ZFHX3: variants seen among roughly 807,000 people sequenced by gnomAD.
ZFHX3 encodes zinc finger homeobox protein 3.
Under a neutral mutation model 279.1 loss-of-function variants are expected in ZFHX3, and 42 were observed. The ratio of observed to expected loss-of-function variants is 0.15; its 90% CI spans 0.12 to 0.19. The LOEUF is 0.19. Ranked by LOEUF, ZFHX3 falls within the 10% of genes least tolerant of loss-of-function variation. ZFHX3 has a pLI of 1.00. For synonymous variants in ZFHX3, 2,293 were observed against 1,957.8 expected, an observed-to-expected ratio of 1.17 and a Z score of -4.52; for missense variants, 4,981 against 4,754.0, an observed-to-expected ratio of 1.05 and a Z score of -1.40.
intron 1 of ZFHX3, among the ~76,000 whole-genome samples, chr16:73,877,206 G>GGT (rs1461676713): frequency 1.4e-5 from 2 of 141,700 alleles, no homozygotes; most frequent in African/African-American, 2.6e-5. Flanking sequence ...TTAGGTCGGG[G>GGT]GGGGGTCCCA....
intron 2 of ZFHX3, among the ~76,000 whole-genome samples, chr16:73,617,108 GCA>G (rs2052312509): frequency 6.6e-6 from 1 of 152,186 alleles, no homozygotes; most frequent in Non-Finnish European, 1.5e-5. Context: ...AACAGCAAAT[GCA>G]CAGAGTTCTT....
intron 4 of ZFHX3, among the ~76,000 whole-genome samples, chr16:73,287,158 G>A (rs529387639): frequency 3.3e-4 from 48 of 147,090 alleles, no homozygotes; most frequent in Admixed American, 9.5e-4. Flanking sequence ...CTGTGTGAGT[G>A]TGTGGGTTGC....
intron 8 of ZFHX3, among the ~76,000 whole-genome samples, chr16:72,799,356 A>G (rs529616754): frequency 1.3e-5 from 2 of 152,334 alleles, no homozygotes; most frequent in South Asian, 4.1e-4. Flanking sequence ...CATCACACTC[A>G]TAAATACCGA....
chr16:72,786,811 G>C lies in ZFHX3; in HGVS notation c.*353C>G, dbSNP rs1388722503. The C allele has an allele frequency of 6.4e-6, 1 of 155,624 alleles. No homozygotes were observed. Among genetic ancestry groups the C allele is most frequent in the African/African-American group, 2.4e-5 (1 of 41,494 alleles). 9.6% of individuals were successfully genotyped at this position (155,624 alleles called of 1,614,324 possible). A position where few individuals can be genotyped will look rare whatever the true frequency, so the allele number is the denominator to read the frequency against. ...CTCCTCTGTGCTATCAGCGTGGGGCGTTTATTGAAAAGGGGCAAATATACA... is the reference window on the plus strand; with the variant it reads ...CTCCTCTGTGCTATCAGCGTGGGGCCTTTATTGAAAAGGGGCAAATATACA... On this transcript the variant is annotated 3_prime_UTR_variant, in exon 10 of 10. Coordinates refer to ENST00000268489, the MANE Select transcript of ZFHX3 (RefSeq NM_006885.4).
At chr16:73,477,112 T>G (rs1177441000) in intron 2 of ZFHX3, among the ~76,000 whole-genome samples, 1 of 152,300 alleles carries the variant, frequency 6.6e-6, no homozygotes, top group South Asian at 2.1e-4. Flanking sequence ...TTGATAACAA[T>G]GAAAAATCAT....
At chr16:73,105,239 C>T (rs1966280254) in intron 7 of ZFHX3, among the ~76,000 whole-genome samples, 1 of 148,934 alleles carries the variant, frequency 6.7e-6, no homozygotes. Flanking sequence ...GACACTGTCT[C>T]TAATTTTATA....
At chr16:73,560,451 C>T (rs705892) in intron 2 of ZFHX3, among the ~76,000 whole-genome samples, 3,322 of 152,240 alleles carry the variant, frequency 0.022, 63 homozygotes, top group South Asian at 0.067. Context: ...AAGATTCACA[C>T]GGATTTGATG....
At chr16:73,467,341 A>G (rs1013787299) in intron 2 of ZFHX3, among the ~76,000 whole-genome samples, 3 of 152,216 alleles carry the variant, frequency 2.0e-5, no homozygotes, top group African/African-American at 7.2e-5. Flanking sequence ...GTTGGAATAG[A>G]CAAGAGAAGC....
rs760728627 is a variant in ZFHX3, at chr16:72,795,163, G to C, written c.7519C>G (p.Leu2507Val). 6.2e-7 allele frequency: 1 copy of C among 1,611,930 alleles called. No homozygotes were observed. Among genetic ancestry groups the C allele is most frequent in the Non-Finnish European group, 8.5e-7 (1 of 1,178,694 alleles). Residue 2507 changes from leucine to valine, a missense_variant, in exon 9 of 10, where the codon CTG becomes GTG. This residue lies in a region of ZFHX3 where 744 missense variants were observed against 701.3 expected (regional missense o/e 1.06). Coordinates refer to ENST00000268489, the MANE Select transcript of ZFHX3 (RefSeq NM_006885.4). The part of the protein sequence containing the change: ...SSPSPSQLSH[L>V]PLKPLHTSTP... The stretch of plus-strand genomic sequence containing the variant: ...GATGTGTGGAGGGGCTTGAGGGGCA[G>C]GTGGGAGAGCTGGGAAGGACTGGGG...
chr16:72,805,569 C>A (rs140049866), intron 7 of ZFHX3, among the ~76,000 whole-genome samples: 15 of 152,328 alleles, frequency 9.8e-5, no homozygotes, highest in African/African-American at 3.4e-4. Flanking sequence ...GAGACTGGTT[C>A]TGCCCAAAAC....
chr16:73,396,124 G>C (rs1172215165), intron 3 of ZFHX3, among the ~76,000 whole-genome samples: 1 of 152,202 alleles, frequency 6.6e-6, no homozygotes, highest in Non-Finnish European at 1.5e-5. Flanking sequence ...ATGGAAGATG[G>C]GGAGTTAGAA....
At chr16:73,082,557 C>G (rs938766444) in intron 8 of ZFHX3, among the ~76,000 whole-genome samples, 7 of 152,190 alleles carry the variant, frequency 4.6e-5, no homozygotes, top group African/African-American at 1.7e-4. Flanking sequence ...ACGTGAGCCA[C>G]CGTGCCCAGC....
intron 2 of ZFHX3, among the ~76,000 whole-genome samples, chr16:73,585,866 G>A (rs1004268201): frequency 4.0e-5 from 6 of 151,654 alleles, no homozygotes; most frequent in South Asian, 4.2e-4. Flanking sequence ...TAACTTATAC[G>A]TAATTAACAA....
At chr16:73,367,358 G>A (rs544321128) in intron 3 of ZFHX3, among the ~76,000 whole-genome samples, 2 of 152,268 alleles carry the variant, frequency 1.3e-5, no homozygotes, top group African/African-American at 2.4e-5. Context: ...ACAGCGTGGA[G>A]CAGGAAGAAC....
At chr16:72,945,538 A>G (rs763547302) in intron 3 of ZFHX3, among the ~76,000 whole-genome samples, 9 of 152,280 alleles carry the variant, frequency 5.9e-5, no homozygotes, top group South Asian at 2.1e-4. Context: ...GAAATCTGCT[A>G]AAATTCACCA....
At chr16:73,096,489 A>AC (rs1328435290) in intron 7 of ZFHX3, among the ~76,000 whole-genome samples, 10 of 140,426 alleles carry the variant, frequency 7.1e-5, no homozygotes, top group Admixed American at 2.9e-4. Context: ...TGTAACCTCC[A>AC]CCTCCTGGGT....
chr16:72,844,815 GCT>G (rs2037436636), intron 4 of ZFHX3, among the ~76,000 whole-genome samples: 1 of 152,026 alleles, frequency 6.6e-6, no homozygotes, highest in African/African-American at 2.4e-5. Flanking sequence ...TTCAGGCCTG[GCT>G]CTGTGTCGAA....
intron 3 of ZFHX3, among the ~76,000 whole-genome samples, chr16:73,330,885 C>T (rs1027086485): frequency 6.6e-6 from 1 of 152,150 alleles, no homozygotes; most frequent in South Asian, 2.1e-4. Context: ...GGCTTTCTTC[C>T]TTTCTCTCCA....
intron 5 of ZFHX3, among the ~76,000 whole-genome samples, chr16:73,252,854 G>C (rs951142493): frequency 2.6e-5 from 4 of 152,134 alleles, no homozygotes; most frequent in African/African-American, 9.7e-5. Flanking sequence ...ATGCATGAGA[G>C]AGAAAGGAAC....
Sources: gnomAD v4.1 joint callset for allele counts (sites outside exome capture counted in the v4.1 genomes callset) on GRCh38, gnomAD v4.1.1 for gene constraint, gnomAD v4.1.1 regional missense constraint, MANE v1.5 for transcripts, NCBI Gene and HGNC (gene_info 2026-07-23, HGNC 2026-07-21) for gene names.